EML1: variants seen among roughly 807,000 people sequenced by gnomAD.
EML1 encodes the protein echinoderm microtubule-associated protein-like 1.
In EML1, 27 loss-of-function variants were observed where a neutral mutation model predicts 110.4. The observed-to-expected ratio is 0.24, with a 90% CI of 0.18 to 0.34. The LOEUF (loss-of-function observed/expected upper bound fraction) is 0.34. Ranked by LOEUF, EML1 falls within the 10% of genes least tolerant of loss-of-function variation. The pLI, the probability that EML1 is intolerant of heterozygous loss-of-function variation, is 1.00. For missense variants in EML1, 741 were observed against 1,030.9 expected (o/e 0.72, Z 3.85); for synonymous variants, 344 against 385.8 (o/e 0.89, Z 1.27).
intron 1 of EML1, among the ~76,000 whole-genome samples, chr14:99,750,728 G>A (rs1279264440): frequency 6.6e-6 from 1 of 152,112 alleles, no homozygotes; most frequent in Non-Finnish European, 1.5e-5. Context: ...AAGCTGTGAA[G>A]GAGGGAGGAA....
At chr14:99,874,464 A>G (rs2059256725) in intron 3 of EML1, among the ~76,000 whole-genome samples, 1 of 152,168 alleles carries the variant, frequency 6.6e-6, no homozygotes, top group African/African-American at 2.4e-5. Flanking sequence ...ATTATTTTTC[A>G]CTCGCCGTCC....
chr14:99,772,117 GT>G (rs558823270), upstream of EML1, among the ~76,000 whole-genome samples: 7 of 152,306 alleles, frequency 4.6e-5, no homozygotes, highest in East Asian at 7.7e-4. Context: ...TGATTGTTCT[GT>G]GTTGTACACT....
At chr14:99,893,992 G>A (rs372170274) in intron 5 of EML1, among the ~76,000 whole-genome samples, 31 of 152,122 alleles carry the variant, frequency 2.0e-4, no homozygotes, top group African/African-American at 7.2e-4. Context: ...AGAAATGTTC[G>A]TTCTGAAGAG....
chr14:99,752,341 G>A (rs144482939), intron 1 of EML1, among the ~76,000 whole-genome samples: 1 of 152,294 alleles, frequency 6.6e-6, no homozygotes, highest in African/African-American at 2.4e-5. Flanking sequence ...CACACTCTCA[G>A]ACACACTCAT....
intron 1 of EML1, among the ~76,000 whole-genome samples, chr14:99,810,506 TTC>T (rs1266997220): frequency 2.0e-5 from 3 of 152,226 alleles, no homozygotes; most frequent in Non-Finnish European, 4.4e-5. Flanking sequence ...GCTAAATAGC[TTC>T]TCCACATCTG....
chr14:99,938,056 C>G (rs894728292), intron 20 of EML1, 144 bp downstream of exon 20: 26 of 772,712 alleles, frequency 3.4e-5, no homozygotes, highest in Non-Finnish European at 2.1e-6. Flanking sequence ...CACCTCCTGC[C>G]GCACCCTGGG....
At chr14:99,794,339 C>CTT (rs113918392) in intron 1 of EML1, among the ~76,000 whole-genome samples, 4 of 141,274 alleles carry the variant, frequency 2.8e-5, no homozygotes, top group Middle Eastern at 3.7e-3. Flanking sequence ...GTTAACCACA[C>CTT]TTTTTTTTTT....
intron 3 of EML1, among the ~76,000 whole-genome samples, chr14:99,872,336 G>A (rs150151865): frequency 8.3e-4 from 126 of 152,270 alleles, no homozygotes; most frequent in African/African-American, 2.9e-3. Context: ...AGGAGTGAAC[G>A]AACACGTGAA....
In EML1 at chr14:99,942,013, A is replaced by G. The variant is rs571917814; in HGVS notation, c.*1901A>G. On this transcript the variant is annotated 3_prime_UTR_variant, in exon 22 of 22. Transcript: ENST00000262233. ...AACTACTATTGCTCTCTTTATAATG[A>G]TTAATCACTTTATTATGAATGAATG... 6.6e-6 allele frequency: 1 copy of G among 152,364 alleles called. No homozygotes were observed. The highest frequency in any genetic ancestry group is 1.9e-4 in the East Asian group (1 of 5,196). The allele number at this position is 152,364 out of a possible 1,614,324, so 9.4% of individuals were successfully genotyped here. A position where few individuals can be genotyped will look rare whatever the true frequency, so the allele number is the denominator to read the frequency against.
At chr14:99,902,786 T>C (rs2059783382) in intron 9 of EML1, among the ~76,000 whole-genome samples, 1 of 152,184 alleles carries the variant, frequency 6.6e-6, no homozygotes, top group African/African-American at 2.4e-5. Context: ...GGTCCCAAGA[T>C]AACTTGGGGC....
chr14:99,794,838 T>C (rs1248296032), intron 1 of EML1, among the ~76,000 whole-genome samples: 1 of 152,204 alleles, frequency 6.6e-6, no homozygotes, highest in Non-Finnish European at 1.5e-5. Context: ...AGAATGTATT[T>C]GGTATGCTGG....
chr14:99,889,003 C>T (rs928857007), intron 4 of EML1, among the ~76,000 whole-genome samples: 4 of 152,136 alleles, frequency 2.6e-5, no homozygotes, highest in Non-Finnish European at 4.4e-5. Flanking sequence ...GATTGGGAGC[C>T]GGACAGGCGG....
chr14:99,933,802 A>G (rs999853005), intron 17 of EML1, among the ~76,000 whole-genome samples: 2 of 152,230 alleles, frequency 1.3e-5, no homozygotes, highest in African/African-American at 4.8e-5. Context: ...GCTCTCAAAC[A>G]TATTGGCCAG....
intron 1 of EML1, among the ~76,000 whole-genome samples, chr14:99,798,835 T>A (rs886701446): frequency 6.6e-6 from 1 of 152,194 alleles, no homozygotes; most frequent in East Asian, 1.9e-4. Flanking sequence ...TAATTACCTT[T>A]TTTTTTTGAG....
At chr14:99,777,149 CTG>C (rs1299602273) in intron 1 of EML1, among the ~76,000 whole-genome samples, 2 of 151,992 alleles carry the variant, frequency 1.3e-5, no homozygotes, top group African/African-American at 4.8e-5. Flanking sequence ...AATGAACAAA[CTG>C]AGAACAAATA....
intron 1 of EML1, among the ~76,000 whole-genome samples, chr14:99,837,926 A>G (rs2058567486): frequency 6.6e-6 from 1 of 152,144 alleles, no homozygotes; most frequent in Non-Finnish European, 1.5e-5. Flanking sequence ...CAGCCTACCA[A>G]GTAGCTGGGA....
chr14:99,801,895 C>T (rs554797746), intron 1 of EML1, among the ~76,000 whole-genome samples: 4 of 152,294 alleles, frequency 2.6e-5, no homozygotes, highest in East Asian at 1.9e-4. Flanking sequence ...GGGGTTCCAG[C>T]GAAATGCGAG....
At chr14:99,868,869 C>A (rs1045713911) in intron 3 of EML1, among the ~76,000 whole-genome samples, 1 of 151,914 alleles carries the variant, frequency 6.6e-6, no homozygotes. Context: ...TTATCTTCTT[C>A]TTCTAGTTCC....
At chr14:99,906,124 C>G (rs1283094777) in intron 9 of EML1, among the ~76,000 whole-genome samples, 2 of 152,112 alleles carry the variant, frequency 1.3e-5, no homozygotes, top group African/African-American at 4.8e-5. Flanking sequence ...TCACTGGACC[C>G]CACCACTTAC....
Sources: gnomAD v4.1 joint callset for allele counts (sites outside exome capture counted in the v4.1 genomes callset) on GRCh38, gnomAD v4.1.1 for gene constraint, MANE v1.5 for transcripts, NCBI Gene and HGNC (gene_info 2026-07-23, HGNC 2026-07-21) for gene names.